The following PTPRN2 variants were observed in gnomAD, a reference collection of about 807,000 sequenced individuals.
PTPRN2 encodes the protein receptor-type tyrosine-protein phosphatase N2.
A neutral mutation model predicts 118.8 loss-of-function variants in PTPRN2; 74 were observed. The ratio of observed to expected loss-of-function variants is 0.62; its 90% CI spans 0.52 to 0.76. The LOEUF is 0.76. Among genes scored for constraint, PTPRN2 ranks in the 30% least tolerant of loss-of-function variants. PTPRN2 has a pLI of 0.00. For missense variants in PTPRN2, 1,481 were observed against 1,394.4 expected (o/e 1.06, Z -0.99); for synonymous variants, 641 against 608.0 (o/e 1.05, Z -0.80).
chr7:158,370,798 C>A (rs142900128), intron 2 of PTPRN2, among the ~76,000 whole-genome samples: 89 of 152,100 alleles, frequency 5.9e-4, no homozygotes, highest in African/African-American at 2.1e-3. Flanking sequence ...CTGGGAGAAC[C>A]AGAATAAATG....
chr7:157,615,563 G>A lies in PTPRN2; in HGVS notation c.2344+5799C>T. 2.1e-6 allele frequency: 1 copy of A among 471,256 alleles called. No individual in the cohort carries two copies. The highest frequency in any genetic ancestry group is 4.4e-6 in the Non-Finnish European group (1 of 227,070). 29.2% of individuals were successfully genotyped at this position (471,256 alleles called of 1,614,324 possible). A position where few individuals can be genotyped will look rare whatever the true frequency, so the allele number is the denominator to read the frequency against. On this transcript the variant is annotated intron_variant, in intron 15 of 22. Transcript: ENST00000389418. The surrounding 1 kb of genome is among the most constrained non-coding windows in gnomAD (Gnocchi z 4.3). ...GGCCGTGGAAACAATCTCAGCCCTG[G>A]AACCAGCGCCTGGGAAGTCCCGCGG...
chr7:158,348,487 C>A (rs1275051452), intron 2 of PTPRN2, among the ~76,000 whole-genome samples: 1 of 145,246 alleles, frequency 6.9e-6, no homozygotes, highest in Non-Finnish European at 1.5e-5. Flanking sequence ...CAGAGCCACC[C>A]TGGGGTCCCC....
At position 158,559,396 on chromosome 7, in the gene PTPRN2, A is replaced by G. The variant is rs151236023; in HGVS notation, c.112+28162T>C. On this transcript the variant is annotated intron_variant, in intron 1 of 22. Coordinates refer to ENST00000389418, the MANE Select transcript of PTPRN2 (RefSeq NM_002847.5). ...CTGACTTTTTCTTTCTCAGAATGAC[A>G]CACTTCCATCTTTCCAGGCCAATAC... Among the ~76,000 whole-genome samples the G allele has an allele frequency of 5.3e-3, 808 of 152,292 alleles. 8 individuals are homozygous for G. The highest frequency in any genetic ancestry group is 0.021 in the Admixed American group (322 of 15,298).
At chr7:158,342,523 C>T (rs1409881022) in intron 2 of PTPRN2, among the ~76,000 whole-genome samples, 1 of 127,168 alleles carries the variant, frequency 7.9e-6, no homozygotes, top group Non-Finnish European at 1.7e-5. Flanking sequence ...TAAGAGCTGA[C>T]ACCTGCAGAC....
intron 3 of PTPRN2, among the ~76,000 whole-genome samples, chr7:158,206,920 C>T (rs974675268): frequency 1.3e-5 from 2 of 148,174 alleles, no homozygotes; most frequent in African/African-American, 2.5e-5. Context: ...AACTCGTCAT[C>T]TAGCATTAGG....
intron 13 of PTPRN2, among the ~76,000 whole-genome samples, chr7:157,670,575 C>A (rs1796359473): frequency 1.3e-5 from 2 of 152,180 alleles, no homozygotes; most frequent in Admixed American, 1.3e-4. Context: ...TGCCTGCAAC[C>A]CTTCCCGTTG....
At chr7:158,088,793 A>C (rs1813734586) in intron 10 of PTPRN2, among the ~76,000 whole-genome samples, 1 of 13,320 alleles carries the variant, frequency 7.5e-5, no homozygotes, top group African/African-American at 1.5e-4. Flanking sequence ...GTCTTCACAC[A>C]AACCTTCTTC....
chr7:157,578,253 ATTTCAT>A, intron 17 of PTPRN2, 113 bp from the exon 18 acceptor site: 1 of 1,303,284 alleles, frequency 7.7e-7, no homozygotes, highest in African/African-American at 1.5e-5. Flanking sequence ...CAGGACATTT[ATTTCAT>A]TTTCATCAGA....
chr7:158,312,135 C>T (rs931174763), intron 3 of PTPRN2, among the ~76,000 whole-genome samples: 13 of 148,076 alleles, frequency 8.8e-5, no homozygotes, highest in African/African-American at 3.3e-4. Flanking sequence ...CACGTGCTCA[C>T]GTGTAGACAG....
chr7:158,518,548 G>A (rs1823739848), intron 1 of PTPRN2, among the ~76,000 whole-genome samples: 1 of 152,148 alleles, frequency 6.6e-6, no homozygotes, highest in Admixed American at 6.5e-5. Context: ...AAGAGGGTAG[G>A]ACTGAGATCA....
intron 12 of PTPRN2, among the ~76,000 whole-genome samples, chr7:157,756,503 C>T (rs1801789925): frequency 6.6e-6 from 1 of 152,090 alleles, no homozygotes; most frequent in South Asian, 2.1e-4. Context: ...CCATGTTGGC[C>T]AGGTTGGTCT....
Position 158,332,107 on chromosome 7 carries a change from C to G in PTPRN2, c.164-15175G>C, listed in dbSNP as rs35351773. ...CACTCTCACCATAAGAGCTGAGGCC[C>G]ACAGAGGTCACTCACACCCATACTC... is the stretch of plus-strand genomic sequence containing the variant. On this transcript the variant is annotated intron_variant, in intron 2 of 22. Transcript: ENST00000389418. Among the ~76,000 whole-genome samples, 2 of 140,240 alleles carry G rather than the reference C, an allele frequency of 1.4e-5. 1 individual carries two copies. The highest frequency in any genetic ancestry group is 1.4e-4 in the Admixed American group (2 of 13,992). 92.0% of individuals were successfully genotyped at this position (140,240 alleles called of 152,430 possible). A position where few individuals can be genotyped will look rare whatever the true frequency, so the allele number is the denominator to read the frequency against.
intron 11 of PTPRN2, among the ~76,000 whole-genome samples, chr7:158,046,303 GCTGCGATCCTGGCATCCTGACA>G (rs1384431299): frequency 1.6e-5 from 2 of 125,790 alleles, no homozygotes; most frequent in East Asian, 2.6e-4. Context: ...GCATCCTGAC[GCTGCGATCCTGGCATCCTGACA>G]CTGCGATCCT....
At chr7:158,041,193 T>C (rs543701728) in intron 11 of PTPRN2, among the ~76,000 whole-genome samples, 31 of 152,348 alleles carry the variant, frequency 2.0e-4, no homozygotes, top group Admixed American at 3.3e-4. Context: ...CTGCTTGGCA[T>C]GTTTGAGGAA....
chr7:158,432,806 A>G (rs1339222902), intron 2 of PTPRN2, among the ~76,000 whole-genome samples: 2 of 152,146 alleles, frequency 1.3e-5, no homozygotes, highest in African/African-American at 2.4e-5. Context: ...CACCCTCACT[A>G]GAATGGCTTA....
At chr7:158,491,580 C>A (rs1351928351) in intron 1 of PTPRN2, among the ~76,000 whole-genome samples, 1 of 152,092 alleles carries the variant, frequency 6.6e-6, no homozygotes, top group Non-Finnish European at 1.5e-5. Flanking sequence ...ACCTCTGCCT[C>A]CCAGGTTCAA....
rs115969398 is a variant in PTPRN2, at chr7:158,376,013, C to T, written c.164-59081G>A. On this transcript the variant is annotated intron_variant, in intron 2 of 22. Coordinates refer to ENST00000389418, the MANE Select transcript of PTPRN2 (RefSeq NM_002847.5). The stretch of plus-strand genomic sequence containing the variant: ...TAAGAACCTGGGTATCAACAGGGCA[C>T]TGAGCTGGTTAATACTTAAGCCATC... Among the ~76,000 whole-genome samples the T allele has an allele frequency of 3.6e-3, 547 of 152,282 alleles. 6 individuals are homozygous for T. Among genetic ancestry groups the T allele is most frequent in the African/African-American group, 0.013 (529 of 41,554 alleles).
intron 3 of PTPRN2, among the ~76,000 whole-genome samples, chr7:158,219,354 A>T (rs1244222611): frequency 2.6e-5 from 4 of 152,178 alleles, no homozygotes; most frequent in Non-Finnish European, 5.9e-5. Flanking sequence ...AAATCAAAAA[A>T]TTATTTGAAA....
intron 12 of PTPRN2, among the ~76,000 whole-genome samples, chr7:157,888,489 C>A (rs1554483031): frequency 2.6e-5 from 4 of 152,192 alleles, no homozygotes; most frequent in South Asian, 2.1e-4. Context: ...AGCTCCTGCT[C>A]CAGGGGCCCC....
Sources: allele counts gnomAD v4.1 joint callset (sites outside exome capture counted in the v4.1 genomes callset), GRCh38; gene constraint gnomAD v4.1.1; non-coding constraint Gnocchi (gnomAD v3.1); transcripts MANE v1.5; gene names NCBI Gene and HGNC (gene_info 2026-07-23, HGNC 2026-07-21).